The following SGCD variants were observed in gnomAD, a reference collection of about 807,000 sequenced individuals.
SGCD encodes delta-sarcoglycan.
A neutral mutation model predicts 36.6 loss-of-function variants in SGCD; 18 were observed. The observed-to-expected ratio is 0.49, with a 90% CI of 0.34 to 0.73. The LOEUF is 0.73. Ranked by LOEUF, SGCD falls within the 30% of genes least tolerant of loss-of-function variation. The pLI is 0.01. For synonymous variants in SGCD, 133 were observed against 130.6 expected, an observed-to-expected ratio of 1.02 and a Z score of -0.12; for missense variants, 387 against 346.7, an observed-to-expected ratio of 1.12 and a Z score of -0.92.
At chr5:156,713,417 GGC>G (rs1445580619) in intron 7 of SGCD, among the ~76,000 whole-genome samples, 106 of 148,998 alleles carry the variant, frequency 7.1e-4, no homozygotes, top group African/African-American at 4.2e-4. Flanking sequence ...TGTCGGGGGG[GGC>G]GTTATAGGAG....
chr5:155,727,972 C>T, the SGCD span, among the ~76,000 whole-genome samples: 1 of 152,178 alleles, frequency 6.6e-6, no homozygotes, highest in Non-Finnish European at 1.5e-5. Flanking sequence ...CTCTGGCCGC[C>T]GCGGCCGACT....
At chr5:156,166,600 G>A (rs1481141741) in intron 3 of SGCD, among the ~76,000 whole-genome samples, 3 of 152,188 alleles carry the variant, frequency 2.0e-5, no homozygotes, top group African/African-American at 2.4e-5. Flanking sequence ...GATTGCAGGC[G>A]TGAGCCACCG....
intron 1 of SGCD, among the ~76,000 whole-genome samples, chr5:155,971,997 A>G (rs1758015490): frequency 6.6e-6 from 1 of 152,152 alleles, no homozygotes; most frequent in South Asian, 2.1e-4. Flanking sequence ...CAAACAAATG[A>G]CTGCCCCAAG....
At position 156,344,516 on chromosome 5, in the gene SGCD, C is replaced by T. The variant is rs566181541; in HGVS notation, c.31C>T (p.Arg11Trp). 8.6e-5 allele frequency: 138 copies of T among 1,607,562 alleles called. No homozygotes were observed. The highest frequency in any genetic ancestry group is 1.1e-4 in the Non-Finnish European group (125 of 1,177,160). Residue 11 changes from arginine to tryptophan, a missense_variant, in exon 3 of 9, where the codon CGG becomes TGG. Transcript: ENST00000337851. MMPQEQYTHH[R>W]STMPGSVGPQ... ...GCCTCAGGAGCAGTACACTCACCAC[C>T]GGAGCACCATGCCTGGCTCTGTGGG...
At chr5:155,762,637 A>G in the SGCD span, among the ~76,000 whole-genome samples, 1 of 152,178 alleles carries the variant, frequency 6.6e-6, no homozygotes, top group Admixed American at 6.5e-5. Flanking sequence ...TTCATCCAGG[A>G]TCACCCAGGT....
At chr5:156,546,192 G>C (rs1332151175) in intron 4 of SGCD, among the ~76,000 whole-genome samples, 2 of 152,128 alleles carry the variant, frequency 1.3e-5, no homozygotes, top group African/African-American at 2.4e-5. Context: ...CTGTATTCTG[G>C]AATATGTGTT....
At chr5:156,334,426 T>C (rs888054600) in intron 2 of SGCD, among the ~76,000 whole-genome samples, 6 of 152,238 alleles carry the variant, frequency 3.9e-5, no homozygotes, top group African/African-American at 1.4e-4. Context: ...TATTCTTTTC[T>C]GGTCCTCACC....
intron 1 of SGCD, among the ~76,000 whole-genome samples, chr5:156,072,287 T>G (rs1760599402): frequency 6.6e-6 from 1 of 152,070 alleles, no homozygotes; most frequent in Admixed American, 6.5e-5. Flanking sequence ...CCTTTCCATG[T>G]TTAGTGCTTC....
At position 156,489,709 on chromosome 5, in the gene SGCD, G is replaced by A. The variant is rs943029530; in HGVS notation, c.193-18892G>A. 5.3e-5 allele frequency among the ~76,000 whole-genome samples: 8 copies of A among 152,004 alleles called. No individual in the cohort carries two copies. The South Asian group carries it at 6.2e-4, about 12-fold the overall frequency. On this transcript the variant is annotated intron_variant, in intron 3 of 8. Coordinates refer to ENST00000337851, the MANE Select transcript of SGCD (RefSeq NM_000337.6). The stretch of plus-strand genomic sequence containing the variant: ...AAACACAGCATACCTAAACCTATGC[G>A]ATACAGGAAAAGCAGCACTAAGAGG...
At chr5:155,732,751 C>G in the SGCD span, among the ~76,000 whole-genome samples, 365 of 152,276 alleles carry the variant, frequency 2.4e-3, 1 homozygote, top group South Asian at 7.0e-3. Flanking sequence ...TTAGCCCATG[C>G]CCCAAGCCTA....
intron 3 of SGCD, among the ~76,000 whole-genome samples, chr5:156,463,269 C>G (rs907647011): frequency 6.6e-6 from 1 of 152,030 alleles, no homozygotes; most frequent in Non-Finnish European, 1.5e-5. Flanking sequence ...GTCTCGATCT[C>G]CTGACCTTGT....
chr5:155,913,205 A>C (rs1483056648), intron 1 of SGCD, among the ~76,000 whole-genome samples: 1 of 152,180 alleles, frequency 6.6e-6, no homozygotes, highest in Non-Finnish European at 1.5e-5. Flanking sequence ...GGGAGATGAG[A>C]TGGGTACAGA....
intron 7 of SGCD, among the ~76,000 whole-genome samples, chr5:156,693,273 A>T (rs889578767): frequency 2.6e-5 from 4 of 152,168 alleles, no homozygotes. Flanking sequence ...TTGAAGAGAG[A>T]CATGGAGGGA....
rs117376085 is a variant in SGCD at position 156,151,371 on chromosome 5, T to C, written c.-44+27352T>C. Among the ~76,000 whole-genome samples the C allele has an allele frequency of 1.7e-3, 264 of 151,796 alleles. 3 individuals carry two copies. The East Asian group carries it at 0.042, about 24-fold the overall frequency. ...TTCTTATTTAATAACCTGTGTAAAA[T>C]GTAATGGAGCCCACCTCTGCCCAAA... On this transcript the variant is annotated intron_variant, in intron 3 of 9. Coordinates refer to the SGCD transcript ENST00000517913.
chr5:156,690,283 C>T (rs1754060144), intron 7 of SGCD, among the ~76,000 whole-genome samples: 1 of 152,148 alleles, frequency 6.6e-6, no homozygotes, highest in African/African-American at 2.4e-5. Context: ...CTACTGAGCC[C>T]ATGCTCTTGA....
the SGCD span, among the ~76,000 whole-genome samples, chr5:155,795,881 G>T: frequency 2.0e-5 from 3 of 152,204 alleles, no homozygotes; most frequent in Admixed American, 2.0e-4. Flanking sequence ...AGCCAGATGC[G>T]TAAAGAGGAA....
In SGCD at chr5:156,685,325, A is replaced by G. The variant is rs147752332; in HGVS notation, c.575+37789A>G. 3.9e-5 allele frequency among the ~76,000 whole-genome samples: 6 copies of G among 152,308 alleles called. No homozygotes were observed. In the East Asian group the frequency reaches 1.2e-3, roughly 29 times the overall value. The stretch of plus-strand genomic sequence containing the variant: ...GGGAGAGATGGAAGATGGTAGAAAA[A>G]AAAGCTCATGGAGGCTGATATGAGC... On this transcript the variant is annotated intron_variant, in intron 7 of 8. Coordinates refer to ENST00000337851, the MANE Select transcript of SGCD (RefSeq NM_000337.6).
At chr5:156,161,498 G>T (rs573814133) in intron 3 of SGCD, among the ~76,000 whole-genome samples, 1 of 151,994 alleles carries the variant, frequency 6.6e-6, no homozygotes, top group South Asian at 2.1e-4. Flanking sequence ...ATCGTCTGTT[G>T]TCTGTTTTAT....
the SGCD span, among the ~76,000 whole-genome samples, chr5:155,802,705 A>G: frequency 7.2e-5 from 11 of 152,358 alleles, no homozygotes; most frequent in African/African-American, 2.6e-4. Flanking sequence ...CATTTCATTC[A>G]GAAATTGAAA....
Sources: allele counts gnomAD v4.1 joint callset (sites outside exome capture counted in the v4.1 genomes callset), GRCh38; gene constraint gnomAD v4.1.1; transcripts MANE v1.5; gene names NCBI Gene and HGNC (gene_info 2026-07-23, HGNC 2026-07-21).